ZNF624: variants seen among roughly 807,000 people sequenced by gnomAD.
The protein encoded by ZNF624 is zinc finger protein 624.
In ZNF624, 43 loss-of-function variants were observed where a neutral mutation model predicts 74.7. The ratio of observed to expected loss-of-function variants is 0.58; its 90% CI spans 0.45 to 0.74. ZNF624 has a LOEUF of 0.74. Ranked by LOEUF, ZNF624 falls within the 30% of genes least tolerant of loss-of-function variation. The pLI is 0.00. For synonymous variants in ZNF624, 331 were observed against 341.3 expected, an observed-to-expected ratio of 0.97 and a Z score of 0.33; for missense variants, 820 against 1,030.0, an observed-to-expected ratio of 0.80 and a Z score of 2.79.
intron 3 of ZNF624, among the ~76,000 whole-genome samples, chr17:16,642,495 C>T (rs1909490579): frequency 6.6e-6 from 1 of 152,152 alleles, no homozygotes; most frequent in South Asian, 2.1e-4. Flanking sequence ...ATCTCTACCT[C>T]AGACCATAAA....
chr17:16,653,433 G>A (rs1356968329), intron 1 of ZNF624: 1 of 152,390 alleles, frequency 6.6e-6, no homozygotes, highest in Non-Finnish European at 1.5e-5. Flanking sequence ...AGTCGGGTCA[G>A]GGGCCCGCCC....
rs1239120757 is a variant in ZNF624 at position 16,623,154 on chromosome 17, G to C, written c.1732C>G (p.His578Asp). The change falls in exon 6 of 6, where the codon CAT becomes GAT. Residue 578 changes from histidine (H) to aspartate (D), a missense_variant. His to Asp is a moderately conservative substitution (Grantham distance 81, BLOSUM62 -1). Transcript: ENST00000311331. This position sits in a 1 kb window ranked among gnomAD's most constrained non-coding sequence, Gnocchi z 5.3. ...SSSLIIHQRIHTEEKPYLCNE... is the reference protein window; with the variant it reads ...SSSLIIHQRIDTEEKPYLCNE... ...CACAGATAAGGTTTCTCTTCAGTAT[G>C]AATACGCTGATGTATAATTAGAGAA... 1 of 1,613,766 alleles carries C rather than the reference G, an allele frequency of 6.2e-7. No individual in the cohort carries two copies. Among genetic ancestry groups the C allele is most frequent in the African/African-American group, 1.3e-5 (1 of 74,904 alleles).
chr17:16,639,073 G>A (rs959636652), intron 3 of ZNF624, among the ~76,000 whole-genome samples: 1 of 152,122 alleles, frequency 6.6e-6, no homozygotes, highest in African/African-American at 2.4e-5. Context: ...AGAAGCAGAA[G>A]AATCTAGATT....
At position 16,622,800 on chromosome 17, in the gene ZNF624, A is replaced by G. The variant is rs1190742620; in HGVS notation, c.2086T>C (p.Tyr696His). 2 of 1,613,852 alleles carry G rather than the reference A, an allele frequency of 1.2e-6. No homozygotes were observed. The highest frequency in any genetic ancestry group is 1.7e-6 in the Non-Finnish European group (2 of 1,179,980). ...HQRRHTGEKP[Y>H]KCNECGKVFT... is the part of the protein sequence containing the mutation. ...ACCTTTCCACATTCATTGCATTTATAGGGCTTCTCTCCAGTATGCCTTCGT... is the reference window on the plus strand; with the variant it reads ...ACCTTTCCACATTCATTGCATTTATGGGGCTTCTCTCCAGTATGCCTTCGT... Residue 696 changes from tyrosine to histidine, a missense_variant, in exon 6 of 6, where the codon TAT becomes CAT. By Grantham distance (83) the Tyr-to-His change is moderately conservative. Transcript: ENST00000311331.
At chr17:16,616,636 T>C (rs1314765868), downstream of ZNF624, among the ~76,000 whole-genome samples, 2 of 152,376 alleles carry the variant, frequency 1.3e-5, no homozygotes, top group African/African-American at 4.8e-5. Context: ...ATCATAGTTA[T>C]CTTAATTCTA....
intron 5 of ZNF624, among the ~76,000 whole-genome samples, chr17:16,628,734 C>G (rs2142585697): frequency 6.6e-6 from 1 of 151,344 alleles, no homozygotes; most frequent in East Asian, 1.9e-4. Context: ...TGGACAGAAG[C>G]TAAGTCAAAG....
intron 3 of ZNF624, among the ~76,000 whole-genome samples, chr17:16,636,206 C>T (rs1294062889): frequency 1.3e-5 from 2 of 152,178 alleles, no homozygotes; most frequent in South Asian, 4.1e-4. Context: ...TTTTAAAAAT[C>T]TCATCTATTA....
chr17:16,649,070 G>A (rs559714993), intron 2 of ZNF624, among the ~76,000 whole-genome samples: 7 of 152,124 alleles, frequency 4.6e-5, no homozygotes, highest in African/African-American at 1.7e-4. Context: ...TTATCATACC[G>A]ATAAGCAACT....
downstream of ZNF624, among the ~76,000 whole-genome samples, chr17:16,619,917 TCTGA>T (rs773336547): frequency 6.6e-6 from 1 of 152,174 alleles, no homozygotes; most frequent in Non-Finnish European, 1.5e-5. Context: ...TTCTTAAAGG[TCTGA>T]CTCTCAAACC....
intron 1 of ZNF624, among the ~76,000 whole-genome samples, chr17:16,651,416 C>T (rs961812525): frequency 7.1e-6 from 1 of 140,566 alleles, no homozygotes; most frequent in South Asian, 2.2e-4. Flanking sequence ...GGCGACACAG[C>T]GAGACTCCAT....
Position 16,624,425 on chromosome 17 carries a change from T to C in ZNF624, c.461A>G (p.Lys154Arg). The change falls in exon 6 of 6, where the codon AAA (lysine) becomes AGA (arginine). Residue 154 changes from lysine (K) to arginine (R), a missense_variant. Lys to Arg is a conservative substitution (Grantham distance 26). Coordinates refer to ENST00000311331, the MANE Select transcript of ZNF624 (RefSeq NM_020787.4). The part of the protein sequence containing the change: ...EDLSQEAILE[K>R]LTENGLWDSR... ...ATCCCACAGACCATTCTCTGTAAGT[T>C]TCTCTAGTATGGCCTCCTGTGATAA... 4 of 1,612,410 alleles carry C rather than the reference T, an allele frequency of 2.5e-6. No homozygotes were observed. The highest frequency in any genetic ancestry group is 3.4e-6 in the Non-Finnish European group (4 of 1,179,518).
rs769437563 is a variant in ZNF624, at chr17:16,622,948, T to C, written c.1938A>G (p.Gly646=). 2 of 1,614,086 alleles carry C rather than the reference T, an allele frequency of 1.2e-6. No homozygotes were observed. Among genetic ancestry groups the C allele is most frequent in the South Asian group, 1.1e-5 (1 of 91,078 alleles). ...GGTATGATTTAGTCCTAAAGGACTT[T>C]CCACAGTCATAACATTTATAGGGTT... ...GVKPYKCYDC[G]KSFRTKSYLI... Residue 646 remains glycine, a synonymous_variant, in exon 6 of 6, where the codon GGA becomes GGG. Transcript: ENST00000311331.
chr17:16,636,047 T>C (rs1429374537), intron 3 of ZNF624, among the ~76,000 whole-genome samples: 4 of 152,178 alleles, frequency 2.6e-5, no homozygotes, highest in Admixed American at 2.6e-4. Flanking sequence ...AAGGAAGCTA[T>C]GAAAGACTAC....
rs764271508 is a variant in ZNF624 at position 16,624,125 on chromosome 17, C to A, written c.761G>T (p.Ser254Ile). The change falls in exon 6 of 6, where the codon AGC (serine) becomes ATC (isoleucine). Residue 254 changes from serine (S) to isoleucine (I), a missense_variant. Transcript: ENST00000311331. The part of the protein sequence containing the change: ...GKIICKEMKG[S>I]KAIRQTSELT... The stretch of plus-strand genomic sequence containing the variant: ...TTCTGAAGTCTGCCTTATGGCTTTG[C>A]TGCCTTTCATCTCCTTGCAAATTAT... 6.2e-7 allele frequency: 1 copy of A among 1,614,052 alleles called. No homozygotes were observed. Among genetic ancestry groups the A allele is most frequent in the South Asian group, 1.1e-5 (1 of 91,072 alleles).
downstream of ZNF624, chr17:16,617,807 A>T: frequency 6.2e-7 from 1 of 1,612,062 alleles, no homozygotes. Flanking sequence ...GGAGGCGGCC[A>T]TAGCCACTGA....
In ZNF624 at chr17:16,621,973, T is replaced by A. The variant is rs190652499; in HGVS notation, c.*315A>T. 9.4e-4 allele frequency: 167 copies of A among 176,994 alleles called. No homozygotes were observed. Among genetic ancestry groups the A allele is most frequent in the African/African-American group, 3.9e-3 (164 of 42,472 alleles). 11.0% of individuals were successfully genotyped at this position (176,994 alleles called of 1,614,324 possible). A position where few individuals can be genotyped will look rare whatever the true frequency, so the allele number is the denominator to read the frequency against. ...AAATATATAAAAAGCACCTCCAGGT[T>A]TATAAGAAAAGACAGATAAATGAAT... On this transcript the variant is annotated 3_prime_UTR_variant, in exon 6 of 6. Coordinates refer to ENST00000311331, the MANE Select transcript of ZNF624 (RefSeq NM_020787.4).
At chr17:16,649,785 T>C in intron 1 of ZNF624, 39 bp from the exon 2 acceptor site, 1 of 1,557,826 alleles carries the variant, frequency 6.4e-7, no homozygotes, top group Non-Finnish European at 8.8e-7. Flanking sequence ...CAATCCTGCC[T>C]GGGGAATTTC....
chr17:16,629,124 GGAGGCA>G (rs1402625601), intron 5 of ZNF624, among the ~76,000 whole-genome samples: 2 of 148,658 alleles, frequency 1.3e-5, no homozygotes, highest in African/African-American at 5.0e-5. Flanking sequence ...CCTGAAACCA[GGAGGCA>G]GAGGTTGCAG....
downstream of ZNF624, among the ~76,000 whole-genome samples, chr17:16,620,204 G>A (rs1387792932): frequency 6.6e-6 from 1 of 152,192 alleles, no homozygotes; most frequent in Non-Finnish European, 1.5e-5. Context: ...TCTTTGGTCT[G>A]TTAGGGCCTT....
Sources: allele counts gnomAD v4.1 joint callset (sites outside exome capture counted in the v4.1 genomes callset), GRCh38; gene constraint gnomAD v4.1.1; non-coding constraint Gnocchi (gnomAD v3.1); transcripts MANE v1.5; gene names NCBI Gene and HGNC (gene_info 2026-07-23, HGNC 2026-07-21).